Variants in MSRB3 observed in about 807,000 individuals in gnomAD.
MSRB3 encodes the protein methionine sulfoxide reductase B3.
A neutral mutation model predicts 21.0 loss-of-function variants in MSRB3; 13 were observed. The ratio of observed to expected loss-of-function variants is 0.62; its 90% CI spans 0.40 to 0.98. The LOEUF is 0.98. Ranked by LOEUF, MSRB3 falls within the 50% of genes least tolerant of loss-of-function variation. The pLI, the probability that MSRB3 is intolerant of heterozygous loss-of-function variation, is 0.00. For missense variants in MSRB3, 199 were observed against 230.3 expected (o/e 0.86, Z 0.88); for synonymous variants, 87 against 88.6 (o/e 0.98, Z 0.10).
At chr12:65,296,719 A>G (rs552936980) in intron 1 of MSRB3, among the ~76,000 whole-genome samples, 1 of 152,322 alleles carries the variant, frequency 6.6e-6, no homozygotes, top group Admixed American at 6.5e-5. Flanking sequence ...GTTCAGTGAT[A>G]CTAAAACATT....
Position 65,328,596 on chromosome 12 carries a change from T to C in MSRB3, c.256T>C (p.Leu86=), listed in dbSNP as rs1240078419. 2.5e-6 allele frequency: 4 copies of C among 1,608,364 alleles called. No individual in the cohort carries two copies. In the Admixed American group the frequency reaches 5.0e-5, roughly 20 times the overall value. ...TAAATGTGTTGTTTGTGGAACTCCA[T>C]TGTTTAAGTAAGTATGTTGAAAACC... is the stretch of plus-strand genomic sequence containing the variant. The part of the protein sequence containing the change: ...IYKCVVCGTP[L]FKSETKFDSG... The change falls in exon 4 of 7, where the codon TTG becomes CTG. Residue 86 remains leucine (L), a synonymous_variant. Transcript: ENST00000308259.
chr12:65,440,248 G>T (rs1398771129), intron 5 of MSRB3, among the ~76,000 whole-genome samples: 1 of 151,686 alleles, frequency 6.6e-6, no homozygotes, highest in Non-Finnish European at 1.5e-5. Flanking sequence ...AATTCAGGGG[G>T]AGGAACTCTT....
intron 5 of MSRB3, among the ~76,000 whole-genome samples, chr12:65,380,583 A>G (rs571341142): frequency 6.6e-6 from 1 of 152,300 alleles, no homozygotes; most frequent in South Asian, 2.1e-4. Flanking sequence ...TCAAAAAGAA[A>G]AAGAATTGGT....
intron 2 of MSRB3, among the ~76,000 whole-genome samples, chr12:65,320,145 G>A (rs1399006882): frequency 6.6e-6 from 1 of 152,098 alleles, no homozygotes; most frequent in Non-Finnish European, 1.5e-5. Flanking sequence ...TGTCTTATGT[G>A]AAGTAAAACA....
chr12:65,314,220 C>A (rs1874158032), intron 2 of MSRB3, among the ~76,000 whole-genome samples: 1 of 151,998 alleles, frequency 6.6e-6, no homozygotes, highest in Non-Finnish European at 1.5e-5. Context: ...ATTTAACAGT[C>A]ATTTATAGTT....
chr12:65,424,140 C>T (rs1881459557), intron 5 of MSRB3, among the ~76,000 whole-genome samples: 1 of 151,872 alleles, frequency 6.6e-6, no homozygotes. Context: ...TCATAGTAGA[C>T]TCATGATCAT....
At chr12:65,401,091 T>C (rs1592601930) in intron 5 of MSRB3, among the ~76,000 whole-genome samples, 2 of 152,142 alleles carry the variant, frequency 1.3e-5, no homozygotes, top group South Asian at 4.1e-4. Context: ...ATTCTGTTGA[T>C]TTGGGGTGGA....
At chr12:65,316,268 T>C (rs1874289776) in intron 2 of MSRB3, 1 of 149,592 alleles carries the variant, frequency 6.7e-6, no homozygotes, top group South Asian at 2.1e-4. Flanking sequence ...GTTATTGTAT[T>C]ATATTATATT....
At chr12:65,399,486 C>T (rs4343073) in intron 5 of MSRB3, among the ~76,000 whole-genome samples, 98,850 of 151,962 alleles carry the variant, frequency 0.65, 32,272 homozygotes, top group Admixed American at 0.72. Context: ...TGCTTATCAG[C>T]TTAAGGAGAT....
intron 5 of MSRB3, among the ~76,000 whole-genome samples, chr12:65,387,334 C>G (rs1359650999): frequency 1.3e-5 from 2 of 151,936 alleles, no homozygotes; most frequent in Non-Finnish European, 2.9e-5. Context: ...TTTTTTCCCC[C>G]TTGGACACAC....
chr12:65,345,632 C>T (rs1044689520), intron 4 of MSRB3, among the ~76,000 whole-genome samples: 2 of 152,082 alleles, frequency 1.3e-5, no homozygotes, highest in Admixed American at 1.3e-4. Flanking sequence ...GCACAACGTG[C>T]AGGTTTGTTA....
At chr12:65,327,884 C>T (rs1055851261) in intron 3 of MSRB3, among the ~76,000 whole-genome samples, 1 of 152,164 alleles carries the variant, frequency 6.6e-6, no homozygotes. Context: ...GTGTACATGA[C>T]TAGCAAAATG....
chr12:65,363,780 G>A (rs982000117), intron 4 of MSRB3, among the ~76,000 whole-genome samples: 2 of 152,072 alleles, frequency 1.3e-5, no homozygotes, highest in African/African-American at 4.8e-5. Flanking sequence ...GAGGTCAGGA[G>A]TTCAAGACCA....
chr12:65,376,166 C>G (rs1342495026), intron 5 of MSRB3, among the ~76,000 whole-genome samples: 1 of 144,438 alleles, frequency 6.9e-6, no homozygotes, highest in Non-Finnish European at 1.5e-5. Flanking sequence ...TTCGCCCAGG[C>G]CAGAGTGCAG....
chr12:65,389,270 C>G (rs1371410415), intron 5 of MSRB3, among the ~76,000 whole-genome samples: 3 of 152,128 alleles, frequency 2.0e-5, no homozygotes, highest in Non-Finnish European at 4.4e-5. Flanking sequence ...AGCTGTGATT[C>G]CATTGTAAAT....
intron 1 of MSRB3, among the ~76,000 whole-genome samples, chr12:65,296,298 C>A (rs936986026): frequency 6.6e-6 from 1 of 152,176 alleles, no homozygotes; most frequent in Non-Finnish European, 1.5e-5. Flanking sequence ...CCAACACTCA[C>A]ACGCATGCAT....
chr12:65,288,115 C>T (rs1348766972), intron 1 of MSRB3, among the ~76,000 whole-genome samples: 1 of 151,870 alleles, frequency 6.6e-6, no homozygotes, highest in African/African-American at 2.4e-5. Context: ...CCATCCTGAC[C>T]AGCATGGTGA....
chr12:65,325,391 A>G (rs563873238), intron 2 of MSRB3, among the ~76,000 whole-genome samples: 2 of 152,320 alleles, frequency 1.3e-5, no homozygotes, highest in South Asian at 4.1e-4. Flanking sequence ...GTGGAAGGTC[A>G]GCAGAGGTGC....
At chr12:65,439,643 T>C (rs1353646820) in intron 5 of MSRB3, among the ~76,000 whole-genome samples, 1 of 151,584 alleles carries the variant, frequency 6.6e-6, no homozygotes, top group South Asian at 2.1e-4. Flanking sequence ...CAATAAACAT[T>C]AAACTTAAAG....
Sources: allele counts gnomAD v4.1 joint callset (sites outside exome capture counted in the v4.1 genomes callset), GRCh38; gene constraint gnomAD v4.1.1; transcripts MANE v1.5; gene names NCBI Gene and HGNC (gene_info 2026-07-23, HGNC 2026-07-21).